PTPRN2: variants seen among roughly 807,000 people sequenced by gnomAD.
PTPRN2 encodes protein tyrosine phosphatase receptor type N2.
A neutral mutation model predicts 118.8 loss-of-function variants in PTPRN2; 74 were observed. That is an observed-to-expected ratio of 0.62 (90% CI 0.52 to 0.76). The LOEUF is 0.76. Ranked by LOEUF, PTPRN2 falls within the 30% of genes least tolerant of loss-of-function variation. The pLI is 0.00. For missense variants in PTPRN2, 1,481 were observed against 1,394.4 expected (o/e 1.06, Z -0.99); for synonymous variants, 641 against 608.0 (o/e 1.05, Z -0.80).
chr7:157,919,512 A>T (rs1798587048), intron 11 of PTPRN2, among the ~76,000 whole-genome samples: 1 of 152,172 alleles, frequency 6.6e-6, no homozygotes, highest in African/African-American at 2.4e-5. Context: ...GTAAATAGGT[A>T]ACAAAAAACT....
At position 157,583,733 on chromosome 7, in the gene PTPRN2, A is replaced by C. The variant is rs1003254388; in HGVS notation, c.2497-5593T>G. On this transcript the variant is annotated intron_variant, in intron 17 of 22. Coordinates refer to ENST00000389418, the MANE Select transcript of PTPRN2 (RefSeq NM_002847.5). The surrounding 1 kb of genome is among the most constrained non-coding windows in gnomAD (Gnocchi z 5.5). ...ACCCTGTCTTTACTAAAAATAGAAA[A>C]TTAGCCAGGTGTGTTGGTGGGTGCT... 6.6e-6 allele frequency among the ~76,000 whole-genome samples: 1 copy of C among 152,170 alleles called. No homozygotes were observed. The highest frequency in any genetic ancestry group is 1.5e-5 in the Non-Finnish European group (1 of 68,036).
chr7:157,605,272 T>C (rs1801934045), intron 15 of PTPRN2, among the ~76,000 whole-genome samples: 1 of 152,238 alleles, frequency 6.6e-6, no homozygotes, highest in Non-Finnish European at 1.5e-5. Context: ...GCGGGCTCTC[T>C]GTGAGGCTGC....
chr7:157,757,673 GT>G (rs111681954), intron 12 of PTPRN2, among the ~76,000 whole-genome samples: 57 of 144,876 alleles, frequency 3.9e-4, no homozygotes, highest in Middle Eastern at 3.5e-3. Flanking sequence ...CAAGATACAA[GT>G]TTTTTTTTTT....
chr7:158,327,028 TTC>T (rs1443719383), intron 2 of PTPRN2, among the ~76,000 whole-genome samples: 2 of 148,602 alleles, frequency 1.3e-5, no homozygotes, highest in African/African-American at 5.0e-5. Flanking sequence ...TATATACACA[TTC>T]TCACACATGC....
chr7:158,582,170 T>A lies in PTPRN2; in HGVS notation c.112+5388A>T, dbSNP rs534133291. Among the ~76,000 whole-genome samples, 17 of 152,256 alleles carry A rather than the reference T, an allele frequency of 1.1e-4. No individual in the cohort carries two copies. In the South Asian group the frequency reaches 3.5e-3, roughly 32 times the overall value. On this transcript the variant is annotated intron_variant, in intron 1 of 22. Transcript: ENST00000389418. ...CTATCAACTAAGATTAAAAAATAAG[T>A]CCAGCTGGGTCTACATTTATGAAGG...
intron 3 of PTPRN2, among the ~76,000 whole-genome samples, chr7:158,246,557 T>C (rs1269898354): frequency 6.6e-6 from 1 of 151,442 alleles, no homozygotes; most frequent in African/African-American, 2.4e-5. Flanking sequence ...ATTGTCCTTG[T>C]CCACGGGATT....
chr7:157,868,245 G>A lies in PTPRN2; in HGVS notation c.1788+30428C>T, dbSNP rs1810836761. Reference sequence around the variant, plus strand: ...ACAACTGCTTCCCATCGAGGTGGTGGGCTGGGACTCGGCAAGCCCATCTGA... The same window carrying A: ...ACAACTGCTTCCCATCGAGGTGGTGAGCTGGGACTCGGCAAGCCCATCTGA... On this transcript the variant is annotated intron_variant, in intron 12 of 22. Transcript: ENST00000389418. This position sits in a 1 kb window ranked among gnomAD's most constrained non-coding sequence, Gnocchi z 5.2. Among the ~76,000 whole-genome samples the A allele has an allele frequency of 2.6e-5, 4 of 152,208 alleles. No homozygotes were observed. The highest frequency in any genetic ancestry group is 5.9e-5 in the Non-Finnish European group (4 of 68,040).
At position 158,191,670 on chromosome 7, in the gene PTPRN2, GA is replaced by G. The variant is rs141798860; in HGVS notation, c.549+656del. ...AGATGTTGAGTGGGCTTCGCATAGT[GA>G]AGGGTCTTGGGTGGCTCTGTGATGC... On this transcript the variant is annotated intron_variant, in intron 5 of 22. Transcript: ENST00000389418. Among the ~76,000 whole-genome samples, 1,499 of 152,312 alleles carry G rather than the reference GA, an allele frequency of 9.8e-3. 25 individuals carry two copies. Among genetic ancestry groups the G allele is most frequent in the African/African-American group, 0.033 (1,362 of 41,558 alleles).
intron 10 of PTPRN2, among the ~76,000 whole-genome samples, chr7:158,083,002 T>G (rs951836961): frequency 6.6e-6 from 1 of 152,190 alleles, no homozygotes; most frequent in Admixed American, 6.5e-5. Context: ...GCAGCTCTCC[T>G]GCCAACGATG....
chr7:158,337,390 TAA>T (rs1805844391), intron 2 of PTPRN2, among the ~76,000 whole-genome samples: 1 of 104,802 alleles, frequency 9.5e-6, no homozygotes, highest in Non-Finnish European at 2.2e-5. Context: ...CCATAAGAGG[TAA>T]CACCTGCAGA....
intron 2 of PTPRN2, among the ~76,000 whole-genome samples, chr7:158,457,652 A>C (rs4909225): frequency 1.0e-4 from 9 of 87,360 alleles, no homozygotes; most frequent in African/African-American, 3.7e-4. Context: ...AGGGGCGTTA[A>C]CACCAAAACT....
intron 10 of PTPRN2, among the ~76,000 whole-genome samples, chr7:158,095,989 C>G (rs968585527): frequency 6.6e-6 from 1 of 152,190 alleles, no homozygotes; most frequent in Non-Finnish European, 1.5e-5. Flanking sequence ...CAGCATTTAC[C>G]CAATGCTTCA....
Position 158,138,407 on chromosome 7 carries a change from A to G in PTPRN2, c.1019T>C (p.Met340Thr). The part of the protein sequence containing the change: ...DGMAELMAGL[M>T]QGVDHGVARG... ...AGCTACTCCATGGTCCACGCCTTGC[A>G]TCAGGCCAGCCATCAGCTCAGCCAT... is the stretch of plus-strand genomic sequence containing the variant. The change falls in exon 7 of 23, where the codon ATG becomes ACG. Residue 340 changes from methionine (M) to threonine (T), a missense_variant. By Grantham distance (81) the Met-to-Thr change is moderately conservative. Coordinates refer to ENST00000389418, the MANE Select transcript of PTPRN2 (RefSeq NM_002847.5). 6.2e-7 allele frequency: 1 copy of G among 1,613,686 alleles called. No homozygotes were observed. Among genetic ancestry groups the G allele is most frequent in the Non-Finnish European group, 8.5e-7 (1 of 1,179,924 alleles).
intron 14 of PTPRN2, among the ~76,000 whole-genome samples, chr7:157,653,656 C>A (rs544503506): frequency 1.3e-5 from 2 of 152,240 alleles, no homozygotes; most frequent in African/African-American, 2.4e-5. Context: ...CACCAGGAGA[C>A]CCCGCATGGC....
chr7:158,310,663 C>T (rs1801637757), intron 3 of PTPRN2, among the ~76,000 whole-genome samples: 1 of 151,682 alleles, frequency 6.6e-6, no homozygotes, highest in Non-Finnish European at 1.5e-5. Flanking sequence ...CCACGGAGGG[C>T]GAGCCCTGAG....
chr7:158,113,000 A>G (rs1329970024), intron 9 of PTPRN2, among the ~76,000 whole-genome samples: 2 of 150,836 alleles, frequency 1.3e-5, no homozygotes, highest in Admixed American at 6.6e-5. Flanking sequence ...AGCATTTAGG[A>G]TCCCCCAGCA....
intron 1 of PTPRN2, among the ~76,000 whole-genome samples, chr7:158,528,719 G>A (rs1358199281): frequency 1.3e-5 from 2 of 150,380 alleles, no homozygotes; most frequent in Middle Eastern, 3.4e-3. Context: ...GCATGAACAT[G>A]GGAGGCGGAG....
intron 11 of PTPRN2, among the ~76,000 whole-genome samples, chr7:157,983,907 G>C (rs1437361594): frequency 6.6e-6 from 1 of 152,136 alleles, no homozygotes; most frequent in Non-Finnish European, 1.5e-5. Context: ...GATGTTCTGG[G>C]GCTGTTGCTG....
chr7:158,395,717 CGAGGCG>C (rs1812396182), intron 2 of PTPRN2, among the ~76,000 whole-genome samples: 1 of 20,180 alleles, frequency 5.0e-5, no homozygotes, highest in Non-Finnish European at 1.1e-4. Context: ...GGGCGAGGGG[CGAGGCG>C]CGAGGGGAGA....
Sources: gnomAD v4.1 joint callset for allele counts (sites outside exome capture counted in the v4.1 genomes callset) on GRCh38, gnomAD v4.1.1 for gene constraint, Gnocchi (gnomAD v3.1) non-coding constraint, MANE v1.5 for transcripts, NCBI Gene and HGNC (gene_info 2026-07-23, HGNC 2026-07-21) for gene names.